Variants in IFT43 observed in about 807,000 individuals in gnomAD.
The protein encoded by IFT43 is intraflagellar transport 43, also known as intraflagellar transport protein 43 homolog.
Under a neutral mutation model 32.3 loss-of-function variants are expected in IFT43, and 33 were observed. The observed-to-expected ratio is 1.02, with a 90% confidence interval of 0.77 to 1.37. IFT43 has a LOEUF of 1.37. IFT43 is among the 40% of genes most tolerant of loss of function. IFT43 has a pLI of 0.00. For synonymous variants in IFT43, 93 were observed against 98.2 expected (o/e 0.95, Z 0.31); for missense variants, 274 against 265.9 (o/e 1.03, Z -0.21).
intron 2 of IFT43, among the ~76,000 whole-genome samples, chr14:75,989,756 G>A (rs1009525825): frequency 1.7e-4 from 26 of 152,234 alleles, no homozygotes; most frequent in African/African-American, 6.3e-4. Flanking sequence ...CAGACAGCAG[G>A]AAACCTGGCT....
intron 2 of IFT43, among the ~76,000 whole-genome samples, chr14:76,007,458 G>A (rs1253489474): frequency 1.3e-5 from 2 of 152,142 alleles, no homozygotes; most frequent in East Asian, 3.9e-4. Context: ...GAGAGATCAG[G>A]TTTCCTAAAG....
chr14:76,058,507 A>G (rs1399514120), intron 3 of IFT43, 135 bp from the exon 4 acceptor site: 65 of 972,040 alleles, frequency 6.7e-5, no homozygotes, highest in Non-Finnish European at 1.9e-5. Context: ...GCTTGTCTCT[A>G]AAGAGGACTG....
intron 5 of IFT43, among the ~76,000 whole-genome samples, chr14:76,061,598 T>C (rs2140058598): frequency 6.6e-6 from 1 of 152,354 alleles, no homozygotes; most frequent in Non-Finnish European, 1.5e-5. Context: ...TAGTCTGCTT[T>C]TAAGCCCATC....
At chr14:76,027,760 T>G (rs1446483808) in intron 3 of IFT43, among the ~76,000 whole-genome samples, 3 of 151,420 alleles carry the variant, frequency 2.0e-5, no homozygotes, top group Admixed American at 6.6e-5. Context: ...ACAGTATCAC[T>G]CAGTCACTCA....
intron 2 of IFT43, chr14:76,013,977 C>G (rs1408227685): frequency 8.5e-6 from 2 of 236,404 alleles, no homozygotes; most frequent in African/African-American, 4.6e-5. Flanking sequence ...AGCCAGCAAC[C>G]AAAACTGACC....
intron 5 of IFT43, among the ~76,000 whole-genome samples, chr14:76,075,072 T>C (rs1324185189): frequency 6.6e-6 from 1 of 152,206 alleles, no homozygotes; most frequent in Non-Finnish European, 1.5e-5. Flanking sequence ...GGGCCTCCTC[T>C]CTCTGTCTCC....
At chr14:75,995,530 A>C (rs2082468932) in intron 2 of IFT43, among the ~76,000 whole-genome samples, 1 of 152,066 alleles carries the variant, frequency 6.6e-6, no homozygotes, top group Admixed American at 6.5e-5. Flanking sequence ...CATGTTCCCA[A>C]ATTAGGCCAA....
rs201966792 is a variant in IFT43, at chr14:75,985,802, G to A, written c.16G>A (p.Asp6Asn). 6.2e-6 allele frequency: 10 copies of A among 1,614,076 alleles called. No individual in the cohort carries two copies. In the African/African-American group the frequency reaches 9.3e-5, roughly 15 times the overall value. ...GGCCGCGGAGATGGAGGATTTGCTC[G>A]ACTTGGACGAGGAGCTTCGCTACAG... MEDLL[D>N]LDEELRYSLA... Residue 6 changes from aspartate to asparagine, a missense_variant, in exon 1 of 9, where the codon GAC (aspartate) becomes AAC (asparagine). Asp to Asn is a conservative substitution (Grantham distance 23). Transcript: ENST00000314067.
At chr14:76,068,792 ATTTATTTGTTCG>A (rs1049789969) in intron 5 of IFT43, among the ~76,000 whole-genome samples, 7 of 152,176 alleles carry the variant, frequency 4.6e-5, no homozygotes, top group African/African-American at 1.7e-4. Flanking sequence ...TCATTAGTTC[ATTTATTTGTTCG>A]TTCATTTACA....
chr14:76,050,986 C>A (rs1002884949), intron 3 of IFT43, among the ~76,000 whole-genome samples: 1 of 151,762 alleles, frequency 6.6e-6, no homozygotes, highest in Admixed American at 6.6e-5. Context: ...TTAATGTGAG[C>A]AGCAGGGGGC....
intron 3 of IFT43, among the ~76,000 whole-genome samples, chr14:76,045,318 C>T (rs1016059626): frequency 6.6e-6 from 1 of 152,196 alleles, no homozygotes; most frequent in African/African-American, 2.4e-5. Context: ...TCTTCTCCTC[C>T]TGCATCCATT....
chr14:76,006,855 A>AT (rs35845700), intron 2 of IFT43, among the ~76,000 whole-genome samples: 30,896 of 124,422 alleles, frequency 0.25, 4,462 homozygotes, highest in Non-Finnish European at 0.31. Context: ...TACTGGGGAC[A>AT]TTTTTTTTTT....
chr14:76,054,187 C>T lies in IFT43; in HGVS notation c.216-4455C>T, dbSNP rs562571607. ...CAGGGAGATTAGGAGTAAGCCCAGC[C>T]CATGTACATTGAAAAAGCTTCCGGG... On this transcript the variant is annotated intron_variant, in intron 3 of 8. Coordinates refer to ENST00000314067, the MANE Select transcript of IFT43 (RefSeq NM_001102564.3). Among the ~76,000 whole-genome samples the T allele has an allele frequency of 7.2e-5, 11 of 152,292 alleles. 1 individual carries two copies. The South Asian group carries it at 2.1e-3, about 29-fold the overall frequency.
intron 3 of IFT43, among the ~76,000 whole-genome samples, chr14:76,056,031 T>G (rs919710634): frequency 3.9e-5 from 6 of 152,214 alleles, no homozygotes; most frequent in African/African-American, 1.4e-4. Context: ...GTCCAGAAAT[T>G]TGGATTTTTA....
chr14:76,020,412 G>A (rs2036268740), intron 2 of IFT43, among the ~76,000 whole-genome samples: 1 of 152,186 alleles, frequency 6.6e-6, no homozygotes, highest in South Asian at 2.1e-4. Flanking sequence ...TTCCTTTAAA[G>A]GTGTCATGTT....
intron 5 of IFT43, among the ~76,000 whole-genome samples, chr14:76,072,792 G>A (rs1339826728): frequency 6.6e-6 from 1 of 152,182 alleles, no homozygotes; most frequent in East Asian, 1.9e-4. Context: ...TTTGTATGCT[G>A]TAACTCCTTG....
intron 5 of IFT43, among the ~76,000 whole-genome samples, chr14:76,070,880 G>GTTTCCTA (rs1201267513): frequency 6.6e-6 from 1 of 152,026 alleles, no homozygotes; most frequent in Non-Finnish European, 1.5e-5. Flanking sequence ...AGGGCGCTGT[G>GTTTCCTA]TTTCCTACAC....
At chr14:76,021,414 A>G (rs2139954397) in intron 2 of IFT43, among the ~76,000 whole-genome samples, 1 of 152,348 alleles carries the variant, frequency 6.6e-6, no homozygotes, top group African/African-American at 2.4e-5. Flanking sequence ...AAAATTGCCT[A>G]TAATGGAGTC....
chr14:75,997,152 A>T (rs573788429), intron 2 of IFT43, among the ~76,000 whole-genome samples: 63 of 152,220 alleles, frequency 4.1e-4, no homozygotes, highest in African/African-American at 1.4e-3. Context: ...AGGTAGAGGG[A>T]AGAGTGTGAG....
Sources: gnomAD v4.1 joint callset for allele counts (sites outside exome capture counted in the v4.1 genomes callset) on GRCh38, gnomAD v4.1.1 for gene constraint, MANE v1.5 for transcripts, NCBI Gene and HGNC (gene_info 2026-07-23, HGNC 2026-07-21) for gene names.